The following ABCC9 variants were observed in gnomAD, a reference collection of about 807,000 sequenced individuals.
The protein encoded by ABCC9 is ATP-binding cassette sub-family C member 9.
Under a neutral mutation model 188.3 loss-of-function variants are expected in ABCC9, and 95 were observed. The observed-to-expected ratio is 0.50, with a 90% CI of 0.43 to 0.60. The LOEUF is 0.60. Ranked by LOEUF, ABCC9 falls within the 20% of genes least tolerant of loss-of-function variation. ABCC9 has a pLI of 0.00. For missense variants in ABCC9, 1,102 were observed against 1,876.3 expected (o/e 0.59, Z 7.62); for synonymous variants, 659 against 652.7 (o/e 1.01, Z -0.15).
intron 16 of ABCC9, among the ~76,000 whole-genome samples, 170 bp from the exon 17 acceptor site, chr12:21,875,896 A>G (rs1946317029): frequency 1.3e-5 from 2 of 152,078 alleles, no homozygotes; most frequent in South Asian, 4.1e-4. Context: ...CATCCTGGCT[A>G]ACACGGTGAA....
rs1487153839 is a variant in ABCC9 at position 21,941,081 on chromosome 12, G to C, written c.-137+119C>G. ...GATCGCGAAAGCTAAGTGCCGAGAA[G>C]TGCGAGAGAGTGCGAGGGCGTTTTT... On this transcript the variant is annotated intron_variant, in intron 1 of 39. Transcript: ENST00000261200. The surrounding 1 kb of genome is among the most constrained non-coding windows in gnomAD (Gnocchi z 5.4). The C allele has an allele frequency of 6.6e-6, 1 of 152,238 alleles. No individual in the cohort carries two copies. Among genetic ancestry groups the C allele is most frequent in the Non-Finnish European group, 1.5e-5 (1 of 68,046 alleles). The allele number at this position is 152,238 out of a possible 1,614,324, so 9.4% of individuals were successfully genotyped here. A position where few individuals can be genotyped will look rare whatever the true frequency, so the allele number is the denominator to read the frequency against.
intron 30 of ABCC9, among the ~76,000 whole-genome samples, chr12:21,837,261 C>G (rs938045355): frequency 6.6e-6 from 1 of 152,116 alleles, no homozygotes; most frequent in Non-Finnish European, 1.5e-5. Context: ...ATGAATGCTT[C>G]ATGATGCCGC....
chr12:21,807,497 G>A lies in ABCC9; in HGVS notation c.4316-18C>T. On this transcript the variant is annotated intron_variant, in intron 37 of 39. Transcript: ENST00000261200. ...AACCGCATCTAAATCAGAGAAAGAAGCAAGGATTTCACTAAAGAAATGCTA... is the reference window on the plus strand; with the variant it reads ...AACCGCATCTAAATCAGAGAAAGAAACAAGGATTTCACTAAAGAAATGCTA... 1 of 1,613,528 alleles carries A rather than the reference G, an allele frequency of 6.2e-7. No individual in the cohort carries two copies. The highest frequency in any genetic ancestry group is 1.1e-5 in the South Asian group (1 of 91,080).
chr12:21,805,644 G>A (rs549910290), intron 39 of ABCC9, among the ~76,000 whole-genome samples: 95 of 152,198 alleles, frequency 6.2e-4, no homozygotes, highest in Non-Finnish European at 1.1e-3. Context: ...TCAAATTTAG[G>A]AATTTTCTTC....
chr12:21,832,019 G>T (rs947763190), intron 30 of ABCC9, among the ~76,000 whole-genome samples: 1 of 152,188 alleles, frequency 6.6e-6, no homozygotes, highest in Non-Finnish European at 1.5e-5. Context: ...TGAGAGGGGA[G>T]GGGTGAAAAT....
intron 39 of ABCC9, chr12:21,805,419 C>A: frequency 9.4e-7 from 1 of 1,063,184 alleles, no homozygotes; most frequent in Non-Finnish European, 1.4e-6. Context: ...GAGCAAGAAT[C>A]CACTTGCAAA....
chr12:21,863,198 A>C (rs1945608713), intron 19 of ABCC9, 144 bp from the exon 20 acceptor site: 1 of 628,138 alleles, frequency 1.6e-6, no homozygotes, highest in Non-Finnish European at 2.8e-6. Flanking sequence ...GAAAAATTTA[A>C]AGACCACCAA....
intron 12 of ABCC9, among the ~76,000 whole-genome samples, chr12:21,899,521 A>G (rs1441568050): frequency 6.6e-6 from 1 of 152,164 alleles, no homozygotes; most frequent in Non-Finnish European, 1.5e-5. Context: ...GCATCGCCTC[A>G]CCCAGGAAGC....
chr12:21,937,436 A>G (rs35677639), intron 2 of ABCC9, among the ~76,000 whole-genome samples: 51,736 of 151,920 alleles, frequency 0.34, 9,124 homozygotes, highest in Admixed American at 0.38. Flanking sequence ...AACAGAGGAC[A>G]AGGTCACACT....
At chr12:21,841,185 C>T (rs528689326) in intron 29 of ABCC9, among the ~76,000 whole-genome samples, 13 of 152,100 alleles carry the variant, frequency 8.5e-5, no homozygotes, top group African/African-American at 2.9e-4. Flanking sequence ...CTATATATAG[C>T]GGGGTTTCAA....
Position 21,801,021 on chromosome 12 carries a change from A to C in ABCC9, c.*23T>G, listed in dbSNP as rs767798962. 1.9e-6 allele frequency: 3 copies of C among 1,613,206 alleles called. No individual in the cohort carries two copies. Among genetic ancestry groups the C allele is most frequent in the Non-Finnish European group, 2.5e-6 (3 of 1,179,712 alleles). On this transcript the variant is annotated 3_prime_UTR_variant, in exon 40 of 40. Coordinates refer to ENST00000261200, the MANE Select transcript of ABCC9 (RefSeq NM_020297.4). ...GTTATGACTGCATTATTTTAAATAC[A>C]TGTATTGTTTTAAGACACTCCTTCA...
rs930399137 is a variant in ABCC9, at chr12:21,812,160, G to A, written c.4103-3C>T. 6.3e-7 allele frequency: 1 copy of A among 1,576,574 alleles called. No individual in the cohort carries two copies. Among genetic ancestry groups the A allele is most frequent in the Non-Finnish European group, 8.7e-7 (1 of 1,146,030 alleles). Reference sequence around the variant, plus strand: ...TATCCCATCAATGACAATTTTTCCTGTTAAGGAGAAACAGAAGTTACACAC... The same window carrying A: ...TATCCCATCAATGACAATTTTTCCTATTAAGGAGAAACAGAAGTTACACAC... On this transcript the variant is annotated splice_region_variant and splice_polypyrimidine_tract_variant and intron_variant, in intron 35 of 39. Coordinates refer to ENST00000261200, the MANE Select transcript of ABCC9 (RefSeq NM_020297.4).
chr12:21,899,704 C>T (rs1947620493), intron 12 of ABCC9, among the ~76,000 whole-genome samples: 1 of 152,196 alleles, frequency 6.6e-6, no homozygotes, highest in African/African-American at 2.4e-5. Context: ...CATGGAGCCT[C>T]ACTTATTGCT....
At chr12:21,810,015 T>G (rs1415190537) in intron 36 of ABCC9, 60 bp from the exon 37 acceptor site, 2 of 1,039,852 alleles carry the variant, frequency 1.9e-6, no homozygotes, top group Middle Eastern at 2.2e-4. Context: ...TTTATGTATA[T>G]TTGCTTATTG....
chr12:21,910,273 T>TA lies in ABCC9; in HGVS notation c.1203dup (p.Asn402Ter). ...AGAGTCATCTCCCCCATGGATAAGT[T>TA]AGACGTAGAGAGCCTAAGGATTTTA... On this transcript the variant is annotated frameshift_variant, in exon 10 of 40. Transcript: ENST00000261200. LOFTEE classifies it high-confidence loss of function. The TA allele has an allele frequency of 1.9e-6, 3 of 1,608,486 alleles. No homozygotes were observed. Among genetic ancestry groups the TA allele is most frequent in the Non-Finnish European group, 2.5e-6 (3 of 1,178,038 alleles).
chr12:21,908,295 G>A (rs1948136886), intron 10 of ABCC9, 84 bp from the exon 11 acceptor site: 2 of 1,475,546 alleles, frequency 1.4e-6, no homozygotes, highest in Non-Finnish European at 1.9e-6. Flanking sequence ...TAGTGCAAAT[G>A]TAGTATTTCT....
chr12:21,897,588 T>G (rs567356763), intron 12 of ABCC9, among the ~76,000 whole-genome samples: 1 of 152,292 alleles, frequency 6.6e-6, no homozygotes, highest in African/African-American at 2.4e-5. Context: ...ATGAAGAAAC[T>G]GAGGCTAGGA....
At chr12:21,929,892 G>C (rs923195899) in intron 4 of ABCC9, among the ~76,000 whole-genome samples, 1 of 151,856 alleles carries the variant, frequency 6.6e-6, no homozygotes, top group South Asian at 2.1e-4. Flanking sequence ...ATGCAGTTTT[G>C]TTACATATGT....
At position 21,799,944 on chromosome 12, in the gene ABCC9, A is replaced by G. The variant is rs1021587655; in HGVS notation, c.*1100T>C. The G allele has an allele frequency of 6.6e-6, 1 of 152,210 alleles. No homozygotes were observed. Among genetic ancestry groups the G allele is most frequent in the African/African-American group, 2.4e-5 (1 of 41,448 alleles). 9.4% of individuals were successfully genotyped at this position (152,210 alleles called of 1,614,324 possible). On this transcript the variant is annotated 3_prime_UTR_variant, in exon 40 of 40. Transcript: ENST00000261200. ...TCTTTACATGCTCATTAAAATTACA[A>G]TAACATTTTTGGTATATTTTTTGTA...
Sources: allele counts gnomAD v4.1 joint callset (sites outside exome capture counted in the v4.1 genomes callset), GRCh38; gene constraint gnomAD v4.1.1; non-coding constraint Gnocchi (gnomAD v3.1); transcripts MANE v1.5; gene names NCBI Gene and HGNC (gene_info 2026-07-23, HGNC 2026-07-21).